STK32B: variants seen among roughly 807,000 people sequenced by gnomAD.
The protein encoded by STK32B is serine/threonine kinase 32B, also known as serine/threonine-protein kinase 32B.
A neutral mutation model predicts 52.6 loss-of-function variants in STK32B; 43 were observed. The observed-to-expected ratio is 0.82, with a 90% CI of 0.64 to 1.05. The LOEUF (loss-of-function observed/expected upper bound fraction) is 1.05. Ranked by LOEUF, STK32B falls within the 50% of genes least tolerant of loss-of-function variation. The pLI is 0.00. For synonymous variants in STK32B, 238 were observed against 204.3 expected (o/e 1.17, Z -1.41); for missense variants, 621 against 534.6 (o/e 1.16, Z -1.59).
At chr4:5,494,981 C>T (rs545844347) in intron 11 of STK32B, among the ~76,000 whole-genome samples, 141 of 152,160 alleles carry the variant, frequency 9.3e-4, no homozygotes, top group East Asian at 1.4e-3. Context: ...GTGGGTAACC[C>T]GACCTTTCTC....
chr4:5,329,750 C>T (rs748549436), intron 3 of STK32B, among the ~76,000 whole-genome samples: 20 of 152,190 alleles, frequency 1.3e-4, no homozygotes, highest in Non-Finnish European at 2.5e-4. Context: ...ACGCAATAAA[C>T]AGCCCCCTTC....
intron 4 of STK32B, among the ~76,000 whole-genome samples, chr4:5,347,108 G>T (rs947008089): frequency 2.0e-5 from 3 of 152,194 alleles, no homozygotes; most frequent in African/African-American, 7.2e-5. Flanking sequence ...GAGGACATGA[G>T]ATTTGGGTGG....
At chr4:5,490,826 T>A (rs1456799927) in intron 11 of STK32B, among the ~76,000 whole-genome samples, 1 of 152,152 alleles carries the variant, frequency 6.6e-6, no homozygotes, top group African/African-American at 2.4e-5. Context: ...ATGCGGTGTT[T>A]GGTTTTTTGT....
chr4:5,109,450 T>C (rs1236328540), intron 1 of STK32B, among the ~76,000 whole-genome samples: 1 of 152,038 alleles, frequency 6.6e-6, no homozygotes, highest in East Asian at 1.9e-4. Flanking sequence ...GAAAGAAAAA[T>C]ACAGAATGCT....
intron 6 of STK32B, among the ~76,000 whole-genome samples, chr4:5,444,427 C>T (rs529386939): frequency 2.4e-4 from 37 of 152,368 alleles, no homozygotes; most frequent in Admixed American, 7.2e-4. Context: ...CCTTGCGCTT[C>T]CCAAGTGAGG....
chr4:5,156,344 G>A (rs1013903386), intron 2 of STK32B, among the ~76,000 whole-genome samples: 2 of 152,054 alleles, frequency 1.3e-5, no homozygotes, highest in Admixed American at 6.5e-5. Flanking sequence ...CAACAGATAC[G>A]ATTTTGACAC....
chr4:5,446,038 G>A (rs535285460), intron 6 of STK32B, among the ~76,000 whole-genome samples: 6 of 152,126 alleles, frequency 3.9e-5, no homozygotes, highest in Non-Finnish European at 7.3e-5. Context: ...TACCCCACCC[G>A]TTCTCCCAGC....
intron 3 of STK32B, among the ~76,000 whole-genome samples, chr4:5,196,560 A>G (rs1721690560): frequency 6.6e-6 from 1 of 151,674 alleles, no homozygotes; most frequent in Admixed American, 6.6e-5. Flanking sequence ...CTCTGTTCTA[A>G]AAATACAAAA....
intron 3 of STK32B, among the ~76,000 whole-genome samples, chr4:5,206,699 A>G (rs1577193587): frequency 6.6e-6 from 1 of 152,154 alleles, no homozygotes; most frequent in African/African-American, 2.4e-5. Flanking sequence ...AAACATTTCC[A>G]TAAACCCAGA....
chr4:5,423,879 G>A (rs2654507), intron 6 of STK32B, among the ~76,000 whole-genome samples: 100,339 of 152,062 alleles, frequency 0.66, 33,428 homozygotes, highest in Middle Eastern at 0.8. Flanking sequence ...GGAGCCAGGA[G>A]CAGGTGGAAG....
intron 1 of STK32B, among the ~76,000 whole-genome samples, chr4:5,105,637 C>G (rs1192457679): frequency 6.6e-6 from 1 of 151,872 alleles, no homozygotes; most frequent in African/African-American, 2.4e-5. Flanking sequence ...GATCTTGGCT[C>G]ACTGCAAGCT....
At chr4:5,421,769 G>A (rs1024129933) in intron 6 of STK32B, among the ~76,000 whole-genome samples, 1 of 152,184 alleles carries the variant, frequency 6.6e-6, no homozygotes, top group Non-Finnish European at 1.5e-5. Flanking sequence ...GACCTGTATT[G>A]GGACCTCGCT....
At chr4:5,092,428 A>G (rs964104988) in intron 1 of STK32B, among the ~76,000 whole-genome samples, 2 of 151,440 alleles carry the variant, frequency 1.3e-5, no homozygotes, top group African/African-American at 4.9e-5. Flanking sequence ...GCTACTCGGG[A>G]GGCTGAGGCC....
intron 6 of STK32B, among the ~76,000 whole-genome samples, chr4:5,418,734 G>A (rs2107522): frequency 2.0e-5 from 3 of 152,192 alleles, no homozygotes; most frequent in Non-Finnish European, 2.9e-5. Context: ...TCCCAGTTTG[G>A]CCTCACTTAA....
At chr4:5,490,183 T>G (rs1719598102) in intron 11 of STK32B, among the ~76,000 whole-genome samples, 1 of 151,962 alleles carries the variant, frequency 6.6e-6, no homozygotes, top group South Asian at 2.1e-4. Context: ...CTTGGCTCAC[T>G]GAAACCTCTA....
intron 3 of STK32B, among the ~76,000 whole-genome samples, chr4:5,205,714 G>A (rs1177008942): frequency 2.1e-5 from 3 of 145,264 alleles, no homozygotes; most frequent in Non-Finnish European, 3.1e-5. Flanking sequence ...GTGTGTGTGT[G>A]TGTGTGTGTG....
intron 3 of STK32B, among the ~76,000 whole-genome samples, chr4:5,260,622 A>G (rs1485334182): frequency 2.0e-5 from 3 of 152,190 alleles, no homozygotes; most frequent in African/African-American, 7.2e-5. Flanking sequence ...ACATAAGTAA[A>G]GGCAGGGACG....
chr4:5,097,267 T>TTGAA (rs1172760834), intron 1 of STK32B, among the ~76,000 whole-genome samples: 1 of 152,236 alleles, frequency 6.6e-6, no homozygotes, highest in Non-Finnish European at 1.5e-5. Context: ...TTCATGTTTA[T>TTGAA]TGAATGAATG....
At chr4:5,126,385 C>T (rs1715365433) in intron 1 of STK32B, among the ~76,000 whole-genome samples, 1 of 152,208 alleles carries the variant, frequency 6.6e-6, no homozygotes, top group African/African-American at 2.4e-5. Flanking sequence ...GCCCCCACTG[C>T]CCTGCAGGCC....
Sources: gnomAD v4.1 joint callset for allele counts (sites outside exome capture counted in the v4.1 genomes callset) on GRCh38, gnomAD v4.1.1 for gene constraint, MANE v1.5 for transcripts, NCBI Gene and HGNC (gene_info 2026-07-23, HGNC 2026-07-21) for gene names.